Variants in CNTNAP2 observed in about 807,000 individuals in gnomAD.
CNTNAP2 encodes the protein contactin-associated protein-like 2.
CNTNAP2 carries 98 observed loss-of-function variants against 155.2 expected under a neutral mutation model. The ratio of observed to expected loss-of-function variants is 0.63; its 90% CI spans 0.54 to 0.75. The LOEUF is 0.75. Ranked by LOEUF, CNTNAP2 falls within the 30% of genes least tolerant of loss-of-function variation. The pLI is 0.00. For synonymous variants in CNTNAP2, 651 were observed against 631.2 expected, an observed-to-expected ratio of 1.03 and a Z score of -0.47; for missense variants, 1,727 against 1,688.1, an observed-to-expected ratio of 1.02 and a Z score of -0.40.
intron 3 of CNTNAP2, among the ~76,000 whole-genome samples, chr7:146,967,258 A>G (rs1319219448): frequency 6.6e-6 from 1 of 152,198 alleles, no homozygotes; most frequent in Non-Finnish European, 1.5e-5. Context: ...ACATTATTAC[A>G]TATTATGTTC....
At chr7:147,315,282 GGT>G (rs3050754) in intron 9 of CNTNAP2, among the ~76,000 whole-genome samples, 75,630 of 149,568 alleles carry the variant, frequency 0.51, 21,121 homozygotes, top group East Asian at 0.73. Context: ...TGAATAACTT[GGT>G]GTGATACTCC....
rs924668433 is a variant in CNTNAP2, at chr7:146,153,115, A to G, written c.97+36142A>G. Among the ~76,000 whole-genome samples, 3 of 152,164 alleles carry G rather than the reference A, an allele frequency of 2.0e-5. No individual in the cohort carries two copies. The East Asian group carries it at 5.8e-4, about 29-fold the overall frequency. On this transcript the variant is annotated intron_variant, in intron 1 of 23. Coordinates refer to ENST00000361727, the MANE Select transcript of CNTNAP2 (RefSeq NM_014141.6). ...CCTATTTCCATTTCACAAATTATGG[A>G]AATGTTTCATGTTACTGGTTTTGTT...
chr7:147,565,407 G>A (rs1800151293), intron 12 of CNTNAP2, among the ~76,000 whole-genome samples: 1 of 151,874 alleles, frequency 6.6e-6, no homozygotes, highest in South Asian at 2.1e-4. Flanking sequence ...TGCAGTGGGT[G>A]GTCGTCTATG....
chr7:146,253,358 G>A (rs777282728), intron 1 of CNTNAP2, among the ~76,000 whole-genome samples: 8 of 152,212 alleles, frequency 5.3e-5, no homozygotes, highest in Non-Finnish European at 1.2e-4. Context: ...GCTCTAGGAA[G>A]GTATGCCATA....
At chr7:146,428,913 G>T (rs909742796) in intron 1 of CNTNAP2, among the ~76,000 whole-genome samples, 1 of 151,872 alleles carries the variant, frequency 6.6e-6, no homozygotes, top group African/African-American at 2.4e-5. Context: ...AATCTCTCTT[G>T]GGTTAATTTT....
intron 13 of CNTNAP2, among the ~76,000 whole-genome samples, chr7:147,779,679 T>A (rs904210600): frequency 6.6e-6 from 1 of 152,194 alleles, no homozygotes; most frequent in South Asian, 2.1e-4. Context: ...TTTAAATTCC[T>A]ATAGTATTCT....
At chr7:146,329,442 C>A (rs1282678536) in intron 1 of CNTNAP2, among the ~76,000 whole-genome samples, 1 of 152,094 alleles carries the variant, frequency 6.6e-6, no homozygotes, top group African/African-American at 2.4e-5. Context: ...TATCTTTGCC[C>A]AGTATTACTT....
intron 3 of CNTNAP2, among the ~76,000 whole-genome samples, chr7:146,906,861 G>A (rs372893573): frequency 2.0e-5 from 3 of 148,970 alleles, no homozygotes; most frequent in Non-Finnish European, 4.5e-5. Context: ...TCTGAGCTAC[G>A]GGAGGACATT....
chr7:146,906,555 A>G (rs1209954540), intron 3 of CNTNAP2, among the ~76,000 whole-genome samples: 13 of 152,168 alleles, frequency 8.5e-5, no homozygotes, highest in Admixed American at 1.3e-4. Flanking sequence ...GACACCTCAC[A>G]CAGCAGGGTA....
chr7:148,177,965 T>A (rs1022772110), intron 18 of CNTNAP2, among the ~76,000 whole-genome samples: 10 of 151,902 alleles, frequency 6.6e-5, no homozygotes, highest in Admixed American at 2.0e-4. Flanking sequence ...CAAACATTCA[T>A]TGAACACCTA....
rs36066171 is a variant in CNTNAP2, at chr7:146,284,744, C to T, written c.97+167771C>T. On this transcript the variant is annotated intron_variant, in intron 1 of 23. Coordinates refer to ENST00000361727, the MANE Select transcript of CNTNAP2 (RefSeq NM_014141.6). ...CTTCTTAAAGGATGATCAAAGCATG[C>T]AGTGAAGGGAACCTGACGGGGTTTG... Among the ~76,000 whole-genome samples the T allele has an allele frequency of 5.3e-3, 806 of 152,300 alleles. 3 individuals carry two copies. The highest frequency in any genetic ancestry group is 9.0e-3 in the Non-Finnish European group (610 of 68,024).
At chr7:148,272,511 G>A (rs1229962242) in intron 21 of CNTNAP2, among the ~76,000 whole-genome samples, 3 of 152,172 alleles carry the variant, frequency 2.0e-5, no homozygotes, top group African/African-American at 4.8e-5. Flanking sequence ...CAAATGTCAC[G>A]AAGCTGAGAG....
chr7:146,288,762 T>G (rs979683102), intron 1 of CNTNAP2, among the ~76,000 whole-genome samples: 1 of 150,930 alleles, frequency 6.6e-6, no homozygotes, highest in Non-Finnish European at 1.5e-5. Context: ...TGCCTATAAG[T>G]GTAAAGGCAA....
intron 3 of CNTNAP2, among the ~76,000 whole-genome samples, chr7:146,887,048 C>T (rs1245639789): frequency 2.0e-5 from 3 of 151,792 alleles, no homozygotes; most frequent in Non-Finnish European, 2.9e-5. Context: ...CTCTCCATTC[C>T]CCAGTCTCCT....
chr7:146,534,136 G>A (rs1046760416), intron 1 of CNTNAP2, among the ~76,000 whole-genome samples: 3 of 152,042 alleles, frequency 2.0e-5, no homozygotes, highest in Non-Finnish European at 2.9e-5. Context: ...AAAGCCTTCT[G>A]ATACTAAAAC....
intron 10 of CNTNAP2, among the ~76,000 whole-genome samples, chr7:147,426,016 T>C (rs1049813956): frequency 6.6e-6 from 1 of 152,118 alleles, no homozygotes; most frequent in South Asian, 2.1e-4. Flanking sequence ...TCCCATGAAT[T>C]TAAGATTTAG....
At chr7:147,033,009 T>G (rs1799065303) in intron 3 of CNTNAP2, among the ~76,000 whole-genome samples, 1 of 151,634 alleles carries the variant, frequency 6.6e-6, no homozygotes, top group African/African-American at 2.4e-5. Flanking sequence ...AAAGTCAAAT[T>G]ATTGCTTGCA....
At chr7:147,753,458 A>G (rs1198591502) in intron 13 of CNTNAP2, among the ~76,000 whole-genome samples, 1 of 152,226 alleles carries the variant, frequency 6.6e-6, no homozygotes, top group Non-Finnish European at 1.5e-5. Context: ...TTATACGCAG[A>G]CTAAATCACC....
At chr7:146,665,481 G>A (rs939690239) in intron 1 of CNTNAP2, among the ~76,000 whole-genome samples, 11 of 151,578 alleles carry the variant, frequency 7.3e-5, no homozygotes, top group African/African-American at 2.7e-4. Context: ...TCATGTTTGG[G>A]GTTTTTAAGA....
Sources: gnomAD v4.1 joint callset for allele counts (sites outside exome capture counted in the v4.1 genomes callset) on GRCh38, gnomAD v4.1.1 for gene constraint, MANE v1.5 for transcripts, NCBI Gene and HGNC (gene_info 2026-07-23, HGNC 2026-07-21) for gene names.